GOSR1: variants seen among roughly 807,000 people sequenced by gnomAD.
GOSR1 encodes the protein 28 kDa Golgi SNARE protein.
A neutral mutation model predicts 35.5 loss-of-function variants in GOSR1; 21 were observed. The observed-to-expected ratio is 0.59, with a 90% CI of 0.42 to 0.85. The LOEUF is 0.85. Ranked by LOEUF, GOSR1 falls within the 40% of genes least tolerant of loss-of-function variation. GOSR1 has a pLI of 0.00. For missense variants in GOSR1, 285 were observed against 309.6 expected (o/e 0.92, Z 0.60); for synonymous variants, 94 against 106.6 (o/e 0.88, Z 0.73).
At chr17:30,492,602 T>C in intron 5 of GOSR1, 77 bp from the exon 6 acceptor site, 1 of 810,890 alleles carries the variant, frequency 1.2e-6, no homozygotes, top group Non-Finnish European at 2.1e-6. Context: ...TTTTCTACTT[T>C]CAAGATCACT....
chr17:30,477,530 TG>T lies in GOSR1; in HGVS notation c.31+69del, dbSNP rs755655354. 5.8e-6 allele frequency: 9 copies of T among 1,552,300 alleles called. No individual in the cohort carries two copies. The South Asian group carries it at 1.0e-4, about 18-fold the overall frequency. On this transcript the variant is annotated intron_variant, in intron 1 of 8. Coordinates refer to ENST00000451249, the MANE Select transcript of GOSR1 (RefSeq NM_001007025.2). ...AGAGGGGCTGAGTGAGGACAGATCTTGGGAGAAGCAGCACAGGAAAGAACCA... is the reference window on the plus strand; with the variant it reads ...AGAGGGGCTGAGTGAGGACAGATCTTGGAGAAGCAGCACAGGAAAGAACCA...
chr17:30,483,149 TTC>T (rs1567896381), intron 2 of GOSR1: 1 of 151,744 alleles, frequency 6.6e-6, no homozygotes. Flanking sequence ...TTTTTTAACT[TTC>T]TGTATTTTGA....
At position 30,522,152 on chromosome 17, in the gene GOSR1, A is replaced by G. The variant is rs1228376199; in HGVS notation, c.623-102A>G. ...TGTGAGTTTCTTCCCCATGCCTTTC[A>G]TCACTGTTTCTAGACACCACTGATC... On this transcript the variant is annotated intron_variant, in intron 8 of 8. Coordinates refer to ENST00000451249, the MANE Select transcript of GOSR1 (RefSeq NM_001007025.2). 5 of 923,264 alleles carry G rather than the reference A, an allele frequency of 5.4e-6. No individual in the cohort carries two copies. The Admixed American group carries it at 7.5e-5, about 14-fold the overall frequency. The allele number at this position is 923,264 out of a possible 1,614,324, so 57.2% of individuals were successfully genotyped here.
chr17:30,493,139 C>T (rs373044093), intron 6 of GOSR1, among the ~76,000 whole-genome samples: 2 of 152,076 alleles, frequency 1.3e-5, no homozygotes, highest in African/African-American at 2.4e-5. Flanking sequence ...GGACTACAGG[C>T]GTGTGCCACC....
chr17:30,511,569 GC>G (rs1331820586), intron 7 of GOSR1, among the ~76,000 whole-genome samples: 1 of 150,108 alleles, frequency 6.7e-6, no homozygotes, highest in Admixed American at 6.6e-5. Context: ...CACTCTTGTT[GC>G]CCAGGCTAGA....
intron 5 of GOSR1, among the ~76,000 whole-genome samples, chr17:30,490,853 A>T (rs139930114): frequency 7.7e-4 from 117 of 152,256 alleles, no homozygotes; most frequent in African/African-American, 2.7e-3. Context: ...ATTTTTTTAC[A>T]ACTGAACACT....
chr17:30,485,240 T>TA (rs1186302601), intron 4 of GOSR1: 2 of 192,220 alleles, frequency 1.0e-5, no homozygotes, highest in African/African-American at 4.8e-5. Context: ...GAGGATATGT[T>TA]AAAAATATGG....
At chr17:30,500,043 T>C (rs908873985) in intron 6 of GOSR1, among the ~76,000 whole-genome samples, 1 of 152,180 alleles carries the variant, frequency 6.6e-6, no homozygotes, top group Non-Finnish European at 1.5e-5. Flanking sequence ...TTTTCTATTG[T>C]GTTATAAGGG....
At chr17:30,487,035 G>A (rs1286781834) in intron 4 of GOSR1, among the ~76,000 whole-genome samples, 1 of 151,966 alleles carries the variant, frequency 6.6e-6, no homozygotes, top group African/African-American at 2.4e-5. Flanking sequence ...AGTGGTAGAG[G>A]GTTCCTAGTT....
At chr17:30,506,716 A>G (rs758422221) in intron 6 of GOSR1, among the ~76,000 whole-genome samples, 2 of 152,244 alleles carry the variant, frequency 1.3e-5, no homozygotes, top group Non-Finnish European at 1.5e-5. Flanking sequence ...TTGTTAGAAG[A>G]AGATGCCATT....
rs1360202338 is a variant in GOSR1 at position 30,523,005 on chromosome 17, A to C, written c.*627A>C. 4.8e-6 allele frequency: 1 copy of C among 207,650 alleles called. No individual in the cohort carries two copies. The highest frequency in any genetic ancestry group is 2.4e-5 in the African/African-American group (1 of 41,938). The allele number at this position is 207,650 out of a possible 1,614,324, so 12.9% of individuals were successfully genotyped here. ...TGCCTCGGCCTCCCGAGGTGCCGGG[A>C]TTGCAGACGGAGTCTCGTTCACTCA... On this transcript the variant is annotated 3_prime_UTR_variant, in exon 9 of 9. Transcript: ENST00000451249.
chr17:30,504,172 G>A (rs139028998), intron 6 of GOSR1, among the ~76,000 whole-genome samples: 12 of 151,882 alleles, frequency 7.9e-5, no homozygotes, highest in East Asian at 3.9e-4. Context: ...GATTACAGGC[G>A]CCCGCCACCA....
chr17:30,484,093 G>A (rs998562929), intron 2 of GOSR1, 121 bp from the exon 3 acceptor site: 9 of 601,354 alleles, frequency 1.5e-5, no homozygotes, highest in Non-Finnish European at 2.7e-5. Context: ...GTTTCTCACA[G>A]ACCCTATATA....
rs868661417 is a variant in GOSR1 at position 30,523,609 on chromosome 17, G to A, written c.*1231G>A. ...AGCCCCCCGCCCGGCCAGCCGCCCC[G>A]TCCGGGAGGGAGGTGGGGGGCGCCT... On this transcript the variant is annotated 3_prime_UTR_variant, in exon 9 of 9. Transcript: ENST00000451249. The A allele has an allele frequency of 3.6e-3, 558 of 153,236 alleles. 2 individuals carry two copies. The highest frequency in any genetic ancestry group is 0.011 in the African/African-American group (447 of 39,466). 9.5% of individuals were successfully genotyped at this position (153,236 alleles called of 1,614,324 possible).
At chr17:30,484,093 G>T (rs998562929) in intron 2 of GOSR1, 121 bp from the exon 3 acceptor site, 18 of 601,354 alleles carry the variant, frequency 3.0e-5, no homozygotes, top group Middle Eastern at 8.2e-4. Flanking sequence ...GTTTCTCACA[G>T]ACCCTATATA....
intron 8 of GOSR1, among the ~76,000 whole-genome samples, chr17:30,521,402 C>T (rs1434638586): frequency 6.6e-6 from 1 of 151,728 alleles, no homozygotes; most frequent in East Asian, 1.9e-4. Flanking sequence ...AGGCGAGTCT[C>T]AAACTCCTAG....
At chr17:30,484,373 T>A in intron 3 of GOSR1, 72 bp downstream of exon 3, 1 of 866,604 alleles carries the variant, frequency 1.2e-6, no homozygotes. Context: ...TGGATTATAT[T>A]GAGACAGACA....
intron 4 of GOSR1, among the ~76,000 whole-genome samples, chr17:30,486,721 A>G (rs1001588833): frequency 6.6e-6 from 1 of 152,190 alleles, no homozygotes; most frequent in Non-Finnish European, 1.5e-5. Context: ...ATAAATGATA[A>G]CCTGTTAGAA....
intron 7 of GOSR1, among the ~76,000 whole-genome samples, chr17:30,511,240 C>G (rs1325439239): frequency 6.6e-6 from 1 of 152,190 alleles, no homozygotes; most frequent in East Asian, 1.9e-4. Context: ...TGATAAATAA[C>G]TTTATGCCAT....
Sources: allele counts gnomAD v4.1 joint callset (sites outside exome capture counted in the v4.1 genomes callset), GRCh38; gene constraint gnomAD v4.1.1; transcripts MANE v1.5; gene names NCBI Gene and HGNC (gene_info 2026-07-23, HGNC 2026-07-21).